The following NAV2 variants were observed in gnomAD, a reference collection of about 807,000 sequenced individuals.
NAV2 encodes neuron navigator 2, also known as helicase, APC down-regulated 1.
NAV2 carries 54 observed loss-of-function variants against 223.2 expected under a neutral mutation model. That is an observed-to-expected ratio of 0.24 (90% confidence interval 0.19 to 0.30). NAV2 has a LOEUF of 0.30. NAV2 is among the 10% of genes least tolerant of loss of function. The pLI, the probability that NAV2 is intolerant of heterozygous loss-of-function variation, is 1.00. For missense variants in NAV2, 2,806 were observed against 3,147.5 expected (o/e 0.89, Z 2.60); for synonymous variants, 1,279 against 1,239.3 (o/e 1.03, Z -0.67).
chr11:19,389,275 G>A (rs1396981055), intron 1 of NAV2, among the ~76,000 whole-genome samples: 2 of 152,178 alleles, frequency 1.3e-5, no homozygotes, highest in Non-Finnish European at 2.9e-5. Context: ...CACAAGACAG[G>A]GCTCTAGGCC....
chr11:20,103,378 A>T lies in NAV2; in HGVS notation c.6541A>T (p.Asn2181Tyr). ...HHVSSLGEIFNGLLNCKYHKC... is the reference protein window; with the variant it reads ...HHVSSLGEIFYGLLNCKYHKC... ...CGTGAGCTCTCTGGGAGAGATCTTC[A>T]ATGGGCTGCTCAACTGCAAGTACCA... is the stretch of plus-strand genomic sequence containing the variant. The change falls in exon 33 of 38, where the codon AAT becomes TAT. Residue 2181 changes from asparagine (N) to tyrosine (Y), a missense_variant. Asn to Tyr is a moderately radical substitution (Grantham distance 143). Around this residue, in one of 4 missense-constraint regions of NAV2, gnomAD observed 824 missense variants for 1,069.4 expected, o/e 0.77. Coordinates refer to ENST00000349880, the MANE Select transcript of NAV2 (RefSeq NM_145117.5). The T allele has an allele frequency of 6.2e-7, 1 of 1,614,144 alleles. No homozygotes were observed.
intron 1 of NAV2, among the ~76,000 whole-genome samples, chr11:19,657,616 C>T (rs1590047259): frequency 6.6e-6 from 1 of 152,162 alleles, no homozygotes; most frequent in Non-Finnish European, 1.5e-5. Flanking sequence ...GGGTGAGGAA[C>T]ACATGGGTTA....
intron 1 of NAV2, among the ~76,000 whole-genome samples, chr11:19,544,465 G>A (rs368206409): frequency 1.3e-5 from 2 of 152,168 alleles, no homozygotes; most frequent in African/African-American, 4.8e-5. Context: ...TAGGCATCAA[G>A]GCCTGAGCTT....
chr11:19,515,674 A>C (rs1488572117), intron 1 of NAV2, among the ~76,000 whole-genome samples: 1 of 152,202 alleles, frequency 6.6e-6, no homozygotes, highest in Admixed American at 6.5e-5. Context: ...AAGAGATAAA[A>C]TATATATTAT....
chr11:19,654,818 G>A (rs1485353577), intron 1 of NAV2, among the ~76,000 whole-genome samples: 1 of 152,154 alleles, frequency 6.6e-6, no homozygotes, highest in Admixed American at 6.6e-5. Context: ...TACCATTCAG[G>A]ACATAGGCAT....
At chr11:19,925,566 T>C (rs2044671876) in intron 6 of NAV2, among the ~76,000 whole-genome samples, 1 of 152,114 alleles carries the variant, frequency 6.6e-6, no homozygotes, top group African/African-American at 2.4e-5. Context: ...CCGGCCAATG[T>C]GGTGAAACCC....
chr11:19,787,402 C>G (rs1394909715), intron 1 of NAV2, among the ~76,000 whole-genome samples: 1 of 150,788 alleles, frequency 6.6e-6, no homozygotes, highest in Non-Finnish European at 1.5e-5. Context: ...AGACGTGAAC[C>G]ACTGCACCCG....
rs2061208065 is a variant in NAV2 at position 20,095,684 on chromosome 11, C to T, written c.5929C>T (p.His1977Tyr). 14 of 1,613,202 alleles carry T rather than the reference C, an allele frequency of 8.7e-6. No individual in the cohort carries two copies. The highest frequency in any genetic ancestry group is 1.1e-5 in the Non-Finnish European group (13 of 1,179,160). The change falls in exon 30 of 38, where the codon CAT becomes TAT. Residue 1977 changes from histidine to tyrosine, a missense_variant. Physicochemically the swap from His to Tyr is moderately conservative, Grantham distance 83. Transcript: ENST00000349880. ...TCCTTACCCTTAGGATTCCAGACCA[C>T]ATCTCTTTCTTATTGGCTGCATTGG... The part of the protein sequence containing the change: ...EMKWKEDSRP[H>Y]LFLIGCIGVS...
intron 1 of NAV2, among the ~76,000 whole-genome samples, chr11:19,376,470 C>T (rs1006335022): frequency 6.6e-6 from 1 of 152,212 alleles, no homozygotes; most frequent in African/African-American, 2.4e-5. Flanking sequence ...GGACGAGGGA[C>T]TCACCTGCTG....
At chr11:19,783,559 G>T (rs932438266) in intron 1 of NAV2, among the ~76,000 whole-genome samples, 2 of 152,142 alleles carry the variant, frequency 1.3e-5, no homozygotes, top group African/African-American at 2.4e-5. Flanking sequence ...GATTCTCTAA[G>T]TCCTTGAGCT....
chr11:19,744,675 T>C (rs1269092009), intron 1 of NAV2, among the ~76,000 whole-genome samples: 3 of 152,196 alleles, frequency 2.0e-5, no homozygotes, highest in Non-Finnish European at 2.9e-5. Flanking sequence ...ATGAACAGTT[T>C]CTTGTGCATC....
intron 1 of NAV2, among the ~76,000 whole-genome samples, chr11:19,473,427 C>A (rs1035992692): frequency 1.1e-4 from 16 of 152,090 alleles, no homozygotes; most frequent in African/African-American, 3.6e-4. Flanking sequence ...CCTCATAATT[C>A]GTAAGTCAGC....
At chr11:19,881,152 T>G (rs767680135) in intron 5 of NAV2, among the ~76,000 whole-genome samples, 3 of 152,218 alleles carry the variant, frequency 2.0e-5, no homozygotes, top group Non-Finnish European at 4.4e-5. Flanking sequence ...TTTTAGACAG[T>G]TACAGCCTTC....
chr11:19,881,896 G>A (rs1367438237), intron 5 of NAV2, among the ~76,000 whole-genome samples: 1 of 152,156 alleles, frequency 6.6e-6, no homozygotes, highest in Non-Finnish European at 1.5e-5. Context: ...GGTTATTATA[G>A]CTTAGTAGGG....
At chr11:19,618,393 G>GATGGATGTATGTATGT (rs796800924) in intron 1 of NAV2, among the ~76,000 whole-genome samples, 13 of 19,714 alleles carry the variant, frequency 6.6e-4, no homozygotes, top group African/African-American at 9.8e-4. Context: ...TGGATGGATG[G>GATGGATGTATGTATGT]ATGAATAGAT....
At chr11:19,726,636 C>CAGAT (rs2051281555) in intron 1 of NAV2, among the ~76,000 whole-genome samples, 2 of 152,212 alleles carry the variant, frequency 1.3e-5, no homozygotes, top group Non-Finnish European at 1.5e-5. Flanking sequence ...ACTTTGTTTT[C>CAGAT]AGATTTTCTT....
chr11:19,606,398 C>A (rs911060963), intron 1 of NAV2, among the ~76,000 whole-genome samples: 1 of 152,162 alleles, frequency 6.6e-6, no homozygotes, highest in Non-Finnish European at 1.5e-5. Flanking sequence ...TGTCAGCTTG[C>A]CCCAGGTGTT....
chr11:19,505,087 C>T (rs1011237341), intron 1 of NAV2: 28 of 152,272 alleles, frequency 1.8e-4, no homozygotes, highest in African/African-American at 5.5e-4. Context: ...GCTAGCTGTA[C>T]TTCCGTCTGT....
intron 1 of NAV2, among the ~76,000 whole-genome samples, chr11:19,407,028 C>G (rs1849926463): frequency 6.6e-6 from 1 of 152,178 alleles, no homozygotes; most frequent in South Asian, 2.1e-4. Context: ...TTCCTGGTGC[C>G]AGATGGAGGC....
Sources: allele counts gnomAD v4.1 joint callset (sites outside exome capture counted in the v4.1 genomes callset), GRCh38; gene constraint gnomAD v4.1.1; regional missense constraint gnomAD v4.1.1; transcripts MANE v1.5; gene names NCBI Gene and HGNC (gene_info 2026-07-23, HGNC 2026-07-21).